Variants in ANKS1B observed in about 807,000 individuals in gnomAD.
ANKS1B encodes ankyrin repeat and sterile alpha motif domain containing 1B.
ANKS1B carries 36 observed loss-of-function variants against 148.3 expected under a neutral mutation model. The observed-to-expected ratio is 0.24, with a 90% CI of 0.19 to 0.32. ANKS1B has a LOEUF of 0.32. ANKS1B is among the 10% of genes least tolerant of loss of function. The pLI, the probability that ANKS1B is intolerant of heterozygous loss-of-function variation, is 1.00. For missense variants in ANKS1B, 1,157 were observed against 1,542.6 expected, an observed-to-expected ratio of 0.75 and a Z score of 4.19; for synonymous variants, 542 against 560.8, an observed-to-expected ratio of 0.97 and a Z score of 0.47.
intron 9 of ANKS1B, among the ~76,000 whole-genome samples, chr12:99,554,741 T>C (rs1489031704): frequency 6.6e-6 from 1 of 152,210 alleles, no homozygotes; most frequent in Non-Finnish European, 1.5e-5. Flanking sequence ...TGCAGTTTTG[T>C]TATATAGATA....
At chr12:99,916,572 T>A (rs1172871301) in intron 1 of ANKS1B, among the ~76,000 whole-genome samples, 1 of 152,152 alleles carries the variant, frequency 6.6e-6, no homozygotes, top group Non-Finnish European at 1.5e-5. Flanking sequence ...CTCTGAACTA[T>A]GAAACAAGAG....
chr12:99,318,234 G>A (rs2084532901), intron 12 of ANKS1B, among the ~76,000 whole-genome samples: 1 of 152,214 alleles, frequency 6.6e-6, no homozygotes, highest in Admixed American at 6.5e-5. Context: ...AGTTTCAGAA[G>A]GAATGGTACC....
chr12:99,418,520 TTTTTG>T (rs1219352524), intron 11 of ANKS1B, among the ~76,000 whole-genome samples: 5 of 152,180 alleles, frequency 3.3e-5, no homozygotes, highest in African/African-American at 7.2e-5. Context: ...AGGAGTGCTG[TTTTTG>T]TTTTGTTTTG....
At chr12:98,896,452 C>T (rs538609256) in intron 17 of ANKS1B, among the ~76,000 whole-genome samples, 38 of 152,276 alleles carry the variant, frequency 2.5e-4, no homozygotes, top group Non-Finnish European at 4.3e-4. Flanking sequence ...AAAAAAAAGG[C>T]TTAGATCTGC....
chr12:99,252,576 C>T (rs765619683), intron 12 of ANKS1B, among the ~76,000 whole-genome samples: 4 of 152,066 alleles, frequency 2.6e-5, no homozygotes, highest in African/African-American at 7.2e-5. Context: ...CAGTAGGATC[C>T]GGAACTGAAT....
intron 8 of ANKS1B, among the ~76,000 whole-genome samples, chr12:99,722,947 C>T (rs1274323386): frequency 2.0e-5 from 3 of 152,202 alleles, no homozygotes; most frequent in Non-Finnish European, 2.9e-5. Context: ...CACCCCCCCG[C>T]CAAGGGAGGT....
intron 9 of ANKS1B, among the ~76,000 whole-genome samples, chr12:99,636,171 T>C (rs1043340989): frequency 1.3e-5 from 2 of 152,146 alleles, no homozygotes; most frequent in African/African-American, 2.4e-5. Context: ...GTCTAGAATA[T>C]AGAATTCTGT....
intron 8 of ANKS1B, among the ~76,000 whole-genome samples, chr12:99,755,361 C>T (rs1443558671): frequency 6.6e-6 from 1 of 151,882 alleles, no homozygotes; most frequent in Non-Finnish European, 1.5e-5. Context: ...AAACAGCCTA[C>T]CAACCAGAAA....
rs577119681 is a variant in ANKS1B at position 99,607,880 on chromosome 12, T to C, written c.1272+47187A>G. 3.3e-5 allele frequency among the ~76,000 whole-genome samples: 5 copies of C among 152,202 alleles called. No homozygotes were observed. In the East Asian group the frequency reaches 5.8e-4, roughly 18 times the overall value. ...TGTAGTTTGAGGAATGTTCACCTAT[T>C]AACAGAGATCAGTCTTATAAAGGAT... is the stretch of plus-strand genomic sequence containing the variant. On this transcript the variant is annotated intron_variant, in intron 9 of 26. Coordinates refer to ENST00000683438, the MANE Select transcript of ANKS1B (RefSeq NM_001352186.2).
chr12:99,779,459 G>C (rs940178027), intron 6 of ANKS1B, among the ~76,000 whole-genome samples: 4 of 152,104 alleles, frequency 2.6e-5, no homozygotes, highest in African/African-American at 9.7e-5. Flanking sequence ...AATAATATCT[G>C]ACTTATGTTA....
intron 8 of ANKS1B, among the ~76,000 whole-genome samples, chr12:99,763,498 A>C (rs929125692): frequency 4.6e-5 from 7 of 152,118 alleles, no homozygotes; most frequent in African/African-American, 1.7e-4. Context: ...AATGGGGCTT[A>C]CTTGCGGGTG....
chr12:99,216,462 GT>G (rs1465099031), intron 14 of ANKS1B, among the ~76,000 whole-genome samples: 1 of 152,062 alleles, frequency 6.6e-6, no homozygotes, highest in Non-Finnish European at 1.5e-5. Flanking sequence ...TTTTACTTTA[GT>G]TTTTACTAGA....
intron 19 of ANKS1B, among the ~76,000 whole-genome samples, chr12:98,820,881 T>C (rs2153661443): frequency 6.6e-6 from 1 of 152,314 alleles, no homozygotes; most frequent in African/African-American, 2.4e-5. Flanking sequence ...TTTTGCAAGA[T>C]GTAGCTAAAC....
At chr12:99,728,853 C>T (rs138334892) in intron 8 of ANKS1B, among the ~76,000 whole-genome samples, 121 of 152,262 alleles carry the variant, frequency 7.9e-4, no homozygotes, top group Admixed American at 1.8e-3. Flanking sequence ...TCCTAACTAA[C>T]TAACTAACAG....
chr12:99,742,904 A>G (rs1036354190), intron 8 of ANKS1B, among the ~76,000 whole-genome samples: 1 of 151,916 alleles, frequency 6.6e-6, no homozygotes, highest in African/African-American at 2.4e-5. Context: ...TTTTATTTCA[A>G]TTACTAATGT....
At chr12:99,980,216 T>C (rs1336432423) in intron 1 of ANKS1B, among the ~76,000 whole-genome samples, 1 of 151,944 alleles carries the variant, frequency 6.6e-6, no homozygotes, top group African/African-American at 2.4e-5. Context: ...CCAACACCAT[T>C]ACATGGCCCA....
At chr12:99,749,764 T>A (rs1477754807) in intron 8 of ANKS1B, among the ~76,000 whole-genome samples, 3 of 152,050 alleles carry the variant, frequency 2.0e-5, no homozygotes, top group African/African-American at 7.2e-5. Context: ...GGTCCAGGGC[T>A]ATATTGGTGA....
intron 8 of ANKS1B, among the ~76,000 whole-genome samples, chr12:99,711,705 T>A (rs904238964): frequency 1.3e-5 from 2 of 152,206 alleles, no homozygotes; most frequent in Non-Finnish European, 2.9e-5. Flanking sequence ...ATAGATGCTG[T>A]CAAGGTTGCA....
intron 9 of ANKS1B, among the ~76,000 whole-genome samples, chr12:99,640,607 C>T (rs2098293412): frequency 6.6e-6 from 1 of 152,184 alleles, no homozygotes. Flanking sequence ...TGATATTAGA[C>T]TTCCCAGCCT....
Sources: gnomAD v4.1 joint callset for allele counts (sites outside exome capture counted in the v4.1 genomes callset) on GRCh38, gnomAD v4.1.1 for gene constraint, MANE v1.5 for transcripts, NCBI Gene and HGNC (gene_info 2026-07-23, HGNC 2026-07-21) for gene names.